Variants in CMSS1 observed in about 807,000 individuals in gnomAD.
CMSS1 encodes the protein protein CMSS1.
A neutral mutation model predicts 43.5 loss-of-function variants in CMSS1; 33 were observed. The ratio of observed to expected loss-of-function variants is 0.76; its 90% confidence interval spans 0.57 to 1.01. The LOEUF is 1.01. Among genes scored for constraint, CMSS1 ranks in the 50% least tolerant of loss-of-function variants. The pLI, the probability that CMSS1 is intolerant of heterozygous loss-of-function variation, is 0.00. For synonymous variants in CMSS1, 115 were observed against 117.2 expected (o/e 0.98, Z 0.12); for missense variants, 313 against 326.4 (o/e 0.96, Z 0.32).
At chr3:99,828,930 A>G (rs1018017717) in intron 1 of CMSS1, among the ~76,000 whole-genome samples, 4 of 150,994 alleles carry the variant, frequency 2.6e-5, no homozygotes, top group Non-Finnish European at 5.9e-5. Context: ...ATCCCTCTCA[A>G]TGCTGCCCAT....
chr3:100,066,805 AC>A (rs2065673275), intron 1 of CMSS1, among the ~76,000 whole-genome samples: 1 of 151,898 alleles, frequency 6.6e-6, no homozygotes, highest in Non-Finnish European at 1.5e-5. Context: ...TGCTGGGATT[AC>A]AGGCGTGGCT....
At chr3:100,063,933 T>G (rs2065616558) in intron 1 of CMSS1, among the ~76,000 whole-genome samples, 1 of 152,212 alleles carries the variant, frequency 6.6e-6, no homozygotes. Context: ...ACCCCAAGAC[T>G]GTCAGGAGTA....
intron 1 of CMSS1, among the ~76,000 whole-genome samples, chr3:100,044,873 A>C (rs2065255366): frequency 6.6e-6 from 1 of 152,228 alleles, no homozygotes; most frequent in South Asian, 2.1e-4. Context: ...TAGAGCTGAC[A>C]GGACTAGTGG....
At chr3:99,933,016 C>T (rs1707535902) in intron 1 of CMSS1, among the ~76,000 whole-genome samples, 1 of 152,154 alleles carries the variant, frequency 6.6e-6, no homozygotes, top group African/African-American at 2.4e-5. Flanking sequence ...AGTCTCACAA[C>T]AACACTATGA....
intron 1 of CMSS1, among the ~76,000 whole-genome samples, chr3:100,092,933 G>C (rs1197843979): frequency 6.6e-6 from 1 of 151,704 alleles, no homozygotes; most frequent in Non-Finnish European, 1.5e-5. Flanking sequence ...CTATAAATAT[G>C]ACATTCTCCT....
chr3:100,146,961 T>G lies in CMSS1; in HGVS notation c.65-12T>G. On this transcript the variant is annotated splice_polypyrimidine_tract_variant and intron_variant, in intron 1 of 9. Transcript: ENST00000421999. ...AGAGACTTTTCTGATTTTCAAACTTTATATTTTCTAGAAGCATCAGATGGT... is the reference window on the plus strand; with the variant it reads ...AGAGACTTTTCTGATTTTCAAACTTGATATTTTCTAGAAGCATCAGATGGT... 2.5e-6 allele frequency: 4 copies of G among 1,612,298 alleles called. No homozygotes were observed. Among genetic ancestry groups the G allele is most frequent in the Non-Finnish European group, 3.4e-6 (4 of 1,179,158 alleles).
At chr3:100,166,853 C>G (rs1385362844) in intron 5 of CMSS1, among the ~76,000 whole-genome samples, 1 of 152,146 alleles carries the variant, frequency 6.6e-6, no homozygotes, top group Non-Finnish European at 1.5e-5. Context: ...ATCCTCCTGT[C>G]TCAGCCTCCC....
At chr3:99,902,158 G>A (rs796976) in intron 1 of CMSS1, among the ~76,000 whole-genome samples, 64,386 of 151,844 alleles carry the variant, frequency 0.42, 13,843 homozygotes, top group African/African-American at 0.48. Flanking sequence ...CATTTGTGGA[G>A]GACAATAAAA....
At chr3:100,051,797 A>G (rs1301744377) in intron 1 of CMSS1, among the ~76,000 whole-genome samples, 1 of 150,784 alleles carries the variant, frequency 6.6e-6, no homozygotes, top group Non-Finnish European at 1.5e-5. Context: ...GCTATTGTGA[A>G]TAGTGCCAAT....
At chr3:99,836,042 A>G (rs1160528836) in intron 1 of CMSS1, among the ~76,000 whole-genome samples, 1 of 152,216 alleles carries the variant, frequency 6.6e-6, no homozygotes, top group South Asian at 2.1e-4. Context: ...GATGAAGGCC[A>G]TGGTAGAAGG....
At chr3:99,934,246 G>T (rs182125340) in intron 1 of CMSS1, among the ~76,000 whole-genome samples, 5 of 152,298 alleles carry the variant, frequency 3.3e-5, no homozygotes, top group Admixed American at 2.6e-4. Context: ...CATGGAAGAA[G>T]ATACAAGGCC....
intron 1 of CMSS1, among the ~76,000 whole-genome samples, chr3:99,971,269 C>A (rs567454318): frequency 6.7e-6 from 1 of 149,302 alleles, no homozygotes; most frequent in South Asian, 2.1e-4. Flanking sequence ...GAACCCGGGG[C>A]GCGGAGCTTG....
chr3:99,838,177 A>G (rs1942976387), intron 1 of CMSS1, among the ~76,000 whole-genome samples: 1 of 152,212 alleles, frequency 6.6e-6, no homozygotes, highest in Non-Finnish European at 1.5e-5. Context: ...TGTTCTGAGA[A>G]CAGTCTCCTA....
intron 1 of CMSS1, among the ~76,000 whole-genome samples, chr3:99,928,164 C>T (rs2107659225): frequency 6.6e-6 from 1 of 152,318 alleles, no homozygotes; most frequent in Non-Finnish European, 1.5e-5. Context: ...TCAGCAGGAG[C>T]ACTGCCCTCC....
At chr3:99,912,259 G>A (rs1315531415) in intron 1 of CMSS1, among the ~76,000 whole-genome samples, 4 of 152,154 alleles carry the variant, frequency 2.6e-5, no homozygotes, top group Non-Finnish European at 5.9e-5. Context: ...GCTACATCTT[G>A]TATGATTCCA....
chr3:99,877,764 A>AT (rs376192917), intron 1 of CMSS1, among the ~76,000 whole-genome samples: 1 of 152,056 alleles, frequency 6.6e-6, no homozygotes, highest in Non-Finnish European at 1.5e-5. Flanking sequence ...TTTATGCTGC[A>AT]TTTTTTATTA....
chr3:100,156,783 T>C (rs926785133), intron 2 of CMSS1, among the ~76,000 whole-genome samples: 7 of 151,712 alleles, frequency 4.6e-5, no homozygotes, highest in Non-Finnish European at 1.0e-4. Flanking sequence ...GCCTGGCTAA[T>C]TTTTTGTATT....
intron 1 of CMSS1, among the ~76,000 whole-genome samples, chr3:100,132,647 G>A (rs770124451): frequency 1.5e-4 from 23 of 151,576 alleles, no homozygotes; most frequent in Admixed American, 1.4e-3. Flanking sequence ...GTGAAACCCC[G>A]TCTCTACTAA....
chr3:100,033,278 A>G (rs949057385), intron 1 of CMSS1, among the ~76,000 whole-genome samples: 2 of 152,132 alleles, frequency 1.3e-5, no homozygotes, highest in African/African-American at 2.4e-5. Flanking sequence ...GCATCCTTGA[A>G]CTATTCACTG....
Sources: allele counts gnomAD v4.1 joint callset (sites outside exome capture counted in the v4.1 genomes callset), GRCh38; gene constraint gnomAD v4.1.1; transcripts MANE v1.5; gene names NCBI Gene and HGNC (gene_info 2026-07-23, HGNC 2026-07-21).